The following ADAMTSL1 variants were observed in gnomAD, a reference collection of about 807,000 sequenced individuals.
ADAMTSL1 encodes ADAMTS like 1.
A neutral mutation model predicts 201.8 loss-of-function variants in ADAMTSL1; 126 were observed. The observed-to-expected ratio is 0.62, with a 90% CI of 0.54 to 0.72. ADAMTSL1 has a LOEUF of 0.72. Ranked by LOEUF, ADAMTSL1 falls within the 30% of genes least tolerant of loss-of-function variation. The probability of loss-of-function intolerance (pLI) is 0.00; values close to 1 mark genes in which losing one functional copy is unlikely to be tolerated. For synonymous variants in ADAMTSL1, 1,121 were observed against 903.4 expected (o/e 1.24, Z -4.32); for missense variants, 2,679 against 2,277.8 (o/e 1.18, Z -3.59).
intron 15 of ADAMTSL1, among the ~76,000 whole-genome samples, chr9:18,736,791 T>G (rs961065444): frequency 1.8e-4 from 27 of 152,220 alleles, no homozygotes; most frequent in African/African-American, 6.3e-4. Flanking sequence ...TCCTCAAATG[T>G]GTAAAATTAT....
chr9:18,699,752 A>G (rs1046453086), intron 13 of ADAMTSL1, among the ~76,000 whole-genome samples: 1 of 152,054 alleles, frequency 6.6e-6, no homozygotes, highest in African/African-American at 2.4e-5. Flanking sequence ...CAAAATTATC[A>G]TTTGTTTTAT....
At chr9:18,371,911 G>A (rs1035193392) in intron 2 of ADAMTSL1, among the ~76,000 whole-genome samples, 6 of 152,164 alleles carry the variant, frequency 3.9e-5, no homozygotes, top group South Asian at 2.1e-4. Flanking sequence ...ATCTCTGAAC[G>A]TGCTTTCTCA....
chr9:18,438,769 G>A (rs1221318905), intron 2 of ADAMTSL1, among the ~76,000 whole-genome samples: 2 of 152,086 alleles, frequency 1.3e-5, no homozygotes, highest in Non-Finnish European at 2.9e-5. Flanking sequence ...CAGACGAGCC[G>A]GCGCAGAGTC....
chr9:18,895,740 G>A (rs1829591193), intron 26 of ADAMTSL1, among the ~76,000 whole-genome samples: 1 of 152,182 alleles, frequency 6.6e-6, no homozygotes, highest in Non-Finnish European at 1.5e-5. Flanking sequence ...GCTAATCAGT[G>A]ATGGATTGCC....
At chr9:18,887,006 T>G (rs1006996684) in intron 23 of ADAMTSL1, among the ~76,000 whole-genome samples, 1 of 96,862 alleles carries the variant, frequency 1.0e-5, no homozygotes, top group Non-Finnish European at 2.0e-5. Flanking sequence ...CTAAGTGAAC[T>G]GAGGGGGAAA....
Position 18,219,336 on chromosome 9 carries a change from A to T in ADAMTSL1, c.207+55355A>T, listed in dbSNP as rs533710209. On this transcript the variant is annotated intron_variant, in intron 2 of 29. Coordinates refer to the ADAMTSL1 transcript ENST00000680146. ...ACCTATGAATCCAATATATATTTAC[A>T]TTTTATTTTTATTTATTTATTTATT... is the stretch of plus-strand genomic sequence containing the variant. Among the ~76,000 whole-genome samples the T allele has an allele frequency of 7.1e-4, 105 of 147,358 alleles. No individual in the cohort carries two copies. The East Asian group carries it at 0.013, about 18-fold the overall frequency.
Position 18,556,934 on chromosome 9 carries a change from GA to G in ADAMTSL1, c.238-17093del, listed in dbSNP as rs547410230. The stretch of plus-strand genomic sequence containing the variant: ...GATGTGATGAAGCTTTTTGAGACCT[GA>G]AATACTTTTTTATGGGGTCAATTTA... On this transcript the variant is annotated intron_variant, in intron 3 of 28. Coordinates refer to ENST00000380548, the MANE Select transcript of ADAMTSL1 (RefSeq NM_001040272.6). 3.5e-3 allele frequency among the ~76,000 whole-genome samples: 533 copies of G among 152,122 alleles called. 3 individuals are homozygous for G. Among genetic ancestry groups the G allele is most frequent in the African/African-American group, 0.011 (470 of 41,528 alleles).
intron 2 of ADAMTSL1, among the ~76,000 whole-genome samples, chr9:18,413,948 C>A (rs1479157432): frequency 6.6e-6 from 1 of 152,186 alleles, no homozygotes; most frequent in Non-Finnish European, 1.5e-5. Flanking sequence ...TCTGTCTGAA[C>A]TACTAAATCT....
chr9:18,355,727 C>G (rs1187673521), intron 2 of ADAMTSL1, among the ~76,000 whole-genome samples: 1 of 152,162 alleles, frequency 6.6e-6, no homozygotes. Flanking sequence ...AAAATGCTGG[C>G]CAGGCATGGT....
intron 2 of ADAMTSL1, among the ~76,000 whole-genome samples, chr9:18,215,659 G>C (rs569623239): frequency 6.6e-6 from 1 of 152,260 alleles, no homozygotes; most frequent in South Asian, 2.1e-4. Context: ...TGGTTTATTA[G>C]CTTGGCTTAT....
chr9:18,861,066 A>G (rs1014806224), intron 23 of ADAMTSL1, among the ~76,000 whole-genome samples: 2 of 152,202 alleles, frequency 1.3e-5, no homozygotes, highest in Non-Finnish European at 1.5e-5. Flanking sequence ...GAGATCATAT[A>G]CACATCCCTC....
chr9:18,622,702 A>C (rs1826113323), intron 5 of ADAMTSL1: 4 of 440,438 alleles, frequency 9.1e-6, no homozygotes, highest in South Asian at 1.2e-4. Flanking sequence ...GTAGTGTGCT[A>C]TGCCTGGTGG....
At chr9:18,793,964 G>A (rs896922670) in intron 19 of ADAMTSL1, among the ~76,000 whole-genome samples, 1 of 152,038 alleles carries the variant, frequency 6.6e-6, no homozygotes. Context: ...ACAGACTTGG[G>A]TGGAGTGGGT....
In ADAMTSL1 at chr9:18,770,735, A is replaced by G. The variant is rs1423997975; in HGVS notation, c.2351A>G (p.Lys784Arg). Reference sequence around the variant, plus strand: ...AAACCTGCCTGCCAGCAAGCATGCAAGAAAGATGACTGTCCCAGCGAGTGG... The same window carrying G: ...AAACCTGCCTGCCAGCAAGCATGCAGGAAAGATGACTGTCCCAGCGAGTGG... ...ASKPACQQAC[K>R]KDDCPSEWLL... The change falls in exon 17 of 29, where the codon AAG (lysine) becomes AGG (arginine). Residue 784 changes from lysine to arginine, a missense_variant. By Grantham distance (26) the Lys-to-Arg change is conservative. Transcript: ENST00000380548. 2 of 1,613,826 alleles carry G rather than the reference A, an allele frequency of 1.2e-6. No homozygotes were observed. The highest frequency in any genetic ancestry group is 2.7e-5 in the African/African-American group (2 of 74,936).
At chr9:18,241,479 T>C (rs1831059524) in intron 2 of ADAMTSL1, among the ~76,000 whole-genome samples, 2 of 152,114 alleles carry the variant, frequency 1.3e-5, no homozygotes, top group Admixed American at 1.3e-4. Flanking sequence ...GAGCCTTCCT[T>C]TCAGGCTATT....
At chr9:18,425,720 G>T (rs1288504926) in intron 2 of ADAMTSL1, among the ~76,000 whole-genome samples, 1 of 151,928 alleles carries the variant, frequency 6.6e-6, no homozygotes, top group Non-Finnish European at 1.5e-5. Context: ...AGCTGAGCAG[G>T]TGGTGCATAC....
intron 1 of ADAMTSL1, among the ~76,000 whole-genome samples, chr9:17,976,512 A>T (rs1160451690): frequency 1.3e-5 from 2 of 151,816 alleles, no homozygotes; most frequent in Non-Finnish European, 2.9e-5. Flanking sequence ...GTTTTCTCAA[A>T]ACAATTTTTT....
At chr9:18,122,490 C>G (rs187580339) in intron 1 of ADAMTSL1, among the ~76,000 whole-genome samples, 1 of 152,168 alleles carries the variant, frequency 6.6e-6, no homozygotes, top group South Asian at 2.1e-4. Context: ...GAAATGACAG[C>G]CTTATGGTGA....
intron 2 of ADAMTSL1, among the ~76,000 whole-genome samples, chr9:18,215,750 C>G (rs892823769): frequency 2.0e-5 from 3 of 152,190 alleles, no homozygotes; most frequent in Non-Finnish European, 4.4e-5. Flanking sequence ...CCAAGGCCAA[C>G]TTGTAGGGAA....
Sources: allele counts gnomAD v4.1 joint callset (sites outside exome capture counted in the v4.1 genomes callset), GRCh38; gene constraint gnomAD v4.1.1; transcripts MANE v1.5; gene names NCBI Gene and HGNC (gene_info 2026-07-23, HGNC 2026-07-21).